Variants in SRP72 observed in about 807,000 individuals in gnomAD.
The protein encoded by SRP72 is signal recognition particle 72.
SRP72 carries 49 observed loss-of-function variants against 96.3 expected under a neutral mutation model. The observed-to-expected ratio is 0.51, with a 90% CI of 0.40 to 0.65. The LOEUF is 0.65. SRP72 is among the 30% of genes least tolerant of loss of function. The pLI, the probability that SRP72 is intolerant of heterozygous loss-of-function variation, is 0.00. For synonymous variants in SRP72, 267 were observed against 275.2 expected (o/e 0.97, Z 0.30); for missense variants, 736 against 793.3 (o/e 0.93, Z 0.87).
intron 10 of SRP72, among the ~76,000 whole-genome samples, chr4:56,485,920 T>A (rs1022247624): frequency 1.3e-5 from 2 of 152,212 alleles, no homozygotes; most frequent in Non-Finnish European, 2.9e-5. Context: ...AGGATTTACA[T>A]TGTATTAGGT....
chr4:56,478,669 T>C lies in SRP72; in HGVS notation c.825+20T>C, dbSNP rs1464031807. 1 of 1,606,216 alleles carries C rather than the reference T, an allele frequency of 6.2e-7. No individual in the cohort carries two copies. On this transcript the variant is annotated intron_variant, in intron 8 of 18. Coordinates refer to ENST00000642900, the MANE Select transcript of SRP72 (RefSeq NM_006947.4). Reference sequence around the variant, plus strand: ...AACAAGGTATGGAGTATTTGTGCTTTCCATAGATATATTTTACCCTGAAAG... The same window carrying C: ...AACAAGGTATGGAGTATTTGTGCTTCCCATAGATATATTTTACCCTGAAAG...
Position 56,502,814 on chromosome 4 carries a change from G to A in SRP72, c.*953G>A, listed in dbSNP as rs1362720172. 1 of 151,976 alleles carries A rather than the reference G, an allele frequency of 6.6e-6. No individual in the cohort carries two copies. Among genetic ancestry groups the A allele is most frequent in the Non-Finnish European group, 1.5e-5 (1 of 67,986 alleles). 9.4% of individuals were successfully genotyped at this position (151,976 alleles called of 1,614,324 possible). A position where few individuals can be genotyped will look rare whatever the true frequency, so the allele number is the denominator to read the frequency against. ...TGGCCCATTGATAGATACTCAAATG[G>A]TGTCTCCTTCTGGTTATGGATTTTG... On this transcript the variant is annotated 3_prime_UTR_variant, in exon 19 of 19. Coordinates refer to ENST00000642900, the MANE Select transcript of SRP72 (RefSeq NM_006947.4).
Position 56,484,922 on chromosome 4 carries a change from G to A in SRP72, c.1086+58G>A, listed in dbSNP as rs915679608. On this transcript the variant is annotated intron_variant, in intron 10 of 18. Coordinates refer to ENST00000642900, the MANE Select transcript of SRP72 (RefSeq NM_006947.4). ...TTTGCAGCTTTGTTTCATTTTCATT[G>A]TGTTGTAATAACCTACTAGCATGTA... 3.2e-6 allele frequency: 5 copies of A among 1,580,544 alleles called. No homozygotes were observed. In the African/African-American group the frequency reaches 6.8e-5, roughly 21 times the overall value.
At chr4:56,484,029 T>TTTTTTTTC (rs1720608919) in intron 9 of SRP72, among the ~76,000 whole-genome samples, 1 of 108,458 alleles carries the variant, frequency 9.2e-6, no homozygotes, top group Non-Finnish European at 1.9e-5. Context: ...AGCAGTAATT[T>TTTTTTTTC]TTTTTTTTTT....
chr4:56,494,178 A>ATT (rs1553947636), intron 16 of SRP72, among the ~76,000 whole-genome samples: 2 of 151,760 alleles, frequency 1.3e-5, no homozygotes, highest in Non-Finnish European at 2.9e-5. Flanking sequence ...ACTATTGCAC[A>ATT]CTGGGTAAGA....
intron 1 of SRP72, among the ~76,000 whole-genome samples, chr4:56,469,375 C>T (rs1719873148): frequency 6.6e-6 from 1 of 152,152 alleles, no homozygotes; most frequent in African/African-American, 2.4e-5. Flanking sequence ...TTCTTTATTT[C>T]ACTGCACTTT....
intron 17 of SRP72, among the ~76,000 whole-genome samples, chr4:56,496,789 A>G (rs1023167874): frequency 6.6e-6 from 1 of 152,152 alleles, no homozygotes; most frequent in African/African-American, 2.4e-5. Context: ...GGAGTTCGAG[A>G]CCAGCCTGGC....
rs2110113894 is a variant in SRP72, at chr4:56,474,272, CCT to C, written c.499-7_499-6del. 1 of 1,613,712 alleles carries C rather than the reference CCT, an allele frequency of 6.2e-7. No individual in the cohort carries two copies. The highest frequency in any genetic ancestry group is 1.1e-5 in the South Asian group (1 of 90,998). On this transcript the variant is annotated splice_polypyrimidine_tract_variant and splice_region_variant and intron_variant, in intron 4 of 18. Coordinates refer to ENST00000642900, the MANE Select transcript of SRP72 (RefSeq NM_006947.4). ...TTAGTATTTAACTGGTATTTTGTCC[CCT>C]GACAGGAGAACCTGGGCCTCCAAGA... is the stretch of plus-strand genomic sequence containing the variant.
chr4:56,496,105 A>C (rs1285182978), intron 17 of SRP72, among the ~76,000 whole-genome samples: 4 of 152,162 alleles, frequency 2.6e-5, no homozygotes, highest in Non-Finnish European at 5.9e-5. Context: ...GTGTGGCTTT[A>C]ATCTCTGGAA....
chr4:56,492,159 G>A (rs1720932946), intron 16 of SRP72, among the ~76,000 whole-genome samples: 1 of 152,192 alleles, frequency 6.6e-6, no homozygotes, highest in African/African-American at 2.4e-5. Context: ...TGTACTTAGT[G>A]TTTCCCAACT....
rs749575729 is a variant in SRP72 at position 56,487,994 on chromosome 4, T to C, written c.1205T>C (p.Leu402Ser). ...CTAATATTGAGAAGCATAGAGGAGT[T>C]AAAGCATAAACCAGGCATGGTGAGT... is the stretch of plus-strand genomic sequence containing the variant. ...ACLILRSIEE[L>S]KHKPGMVSAL... Residue 402 changes from leucine (L) to serine (S), a missense_variant, in exon 12 of 19, where the codon TTA (leucine) becomes TCA (serine). This residue lies in a region of SRP72 where 388 missense variants were observed against 431.8 expected (regional missense o/e 0.90). Transcript: ENST00000642900. 9 of 1,599,044 alleles carry C rather than the reference T, an allele frequency of 5.6e-6. No individual in the cohort carries two copies. The Admixed American group carries it at 1.6e-4, about 29-fold the overall frequency.
chr4:56,494,381 C>T (rs1263351617), intron 16 of SRP72, among the ~76,000 whole-genome samples: 2 of 148,814 alleles, frequency 1.3e-5, no homozygotes, highest in Non-Finnish European at 3.0e-5. Flanking sequence ...TTATGTTTTT[C>T]TCTTTTCACT....
chr4:56,483,912 AATCAC>A (rs749161895), intron 9 of SRP72, among the ~76,000 whole-genome samples: 1 of 152,044 alleles, frequency 6.6e-6, no homozygotes, highest in African/African-American at 2.4e-5. Context: ...TGCTGTGTAT[AATCAC>A]ATCAAGTTAT....
At position 56,501,778 on chromosome 4, in the gene SRP72, A is replaced by C. The variant is rs374885631; in HGVS notation, c.1933A>C (p.Arg645=). 15 of 1,614,068 alleles carry C rather than the reference A, an allele frequency of 9.3e-6. No homozygotes were observed. The highest frequency in any genetic ancestry group is 1.3e-5 in the Non-Finnish European group (15 of 1,180,022). Residue 645 remains arginine, a synonymous_variant, in exon 19 of 19, where the codon AGA becomes CGA. Coordinates refer to ENST00000642900, the MANE Select transcript of SRP72 (RefSeq NM_006947.4). ...SASTSNIIPP[R]HQKPAGAPAT... ...CTCTACAAGTAACATCATACCCCCA[A>C]GACACCAGAAACCTGCAGGGGCTCC...
chr4:56,490,203 G>T, intron 13 of SRP72, 130 bp from the exon 14 acceptor site: 1 of 660,068 alleles, frequency 1.5e-6, no homozygotes, highest in Non-Finnish European at 2.6e-6. Flanking sequence ...GTTGTTTCAG[G>T]CATTCAGTGA....
At chr4:56,498,860 C>G (rs1467518850) in intron 17 of SRP72, among the ~76,000 whole-genome samples, 2 of 152,162 alleles carry the variant, frequency 1.3e-5, no homozygotes, top group Non-Finnish European at 2.9e-5. Flanking sequence ...TTTATAGATT[C>G]AATGCTATCT....
chr4:56,494,131 G>A (rs1720999074), intron 16 of SRP72, among the ~76,000 whole-genome samples: 1 of 151,936 alleles, frequency 6.6e-6, no homozygotes, highest in South Asian at 2.1e-4. Flanking sequence ...TTTTAGTATG[G>A]CTGTGGAGTA....
intron 5 of SRP72, 27 bp from the exon 6 acceptor site, chr4:56,476,644 A>G (rs1720232945): frequency 6.2e-7 from 1 of 1,610,708 alleles, no homozygotes; most frequent in Non-Finnish European, 8.5e-7. Context: ...CAGCAATACT[A>G]CTTTTAAAAC....
Position 56,489,382 on chromosome 4 carries a change from G to A in SRP72, c.1225-6G>A, listed in dbSNP as rs752594366. On this transcript the variant is annotated splice_region_variant and splice_polypyrimidine_tract_variant and intron_variant, in intron 12 of 18. Transcript: ENST00000642900. ...AGTTCACTAATTTATACCTTTGGCT[G>A]TGTAGGTATCTGCATTAGTTACCAT... 3.9e-6 allele frequency: 6 copies of A among 1,557,020 alleles called. No homozygotes were observed. Among genetic ancestry groups the A allele is most frequent in the Non-Finnish European group, 5.3e-6 (6 of 1,138,280 alleles).
Sources: allele counts gnomAD v4.1 joint callset (sites outside exome capture counted in the v4.1 genomes callset), GRCh38; gene constraint gnomAD v4.1.1; regional missense constraint gnomAD v4.1.1; transcripts MANE v1.5; gene names NCBI Gene and HGNC (gene_info 2026-07-23, HGNC 2026-07-21).